Variants in IMMP2L observed in about 807,000 individuals in gnomAD.
IMMP2L encodes the protein inner mitochondrial membrane peptidase subunit 2, also known as mitochondrial inner membrane protease subunit 2.
IMMP2L carries 18 observed loss-of-function variants against 19.3 expected under a neutral mutation model. The ratio of observed to expected loss-of-function variants is 0.93; its 90% CI spans 0.64 to 1.38. The LOEUF (loss-of-function observed/expected upper bound fraction) is 1.38, where lower values mean the gene tolerates loss of function less well. IMMP2L is among the 40% of genes most tolerant of loss of function. IMMP2L has a pLI of 0.00. For missense variants in IMMP2L, 233 were observed against 218.2 expected (o/e 1.07, Z -0.43); for synonymous variants, 76 against 73.0 (o/e 1.04, Z -0.21).
chr7:111,033,291 C>T (rs1003550288), intron 3 of IMMP2L, among the ~76,000 whole-genome samples: 4 of 152,028 alleles, frequency 2.6e-5, no homozygotes, highest in East Asian at 1.9e-4. Context: ...CACATTCAAC[C>T]GTGACTAAAA....
At chr7:111,242,770 G>T (rs894474560) in intron 3 of IMMP2L, among the ~76,000 whole-genome samples, 1 of 151,812 alleles carries the variant, frequency 6.6e-6, no homozygotes, top group Non-Finnish European at 1.5e-5. Flanking sequence ...GATTAAAAAA[G>T]AGAAATTCTG....
intron 1 of IMMP2L, among the ~76,000 whole-genome samples, chr7:111,561,260 T>C (rs762290576): frequency 1.3e-5 from 2 of 152,156 alleles, no homozygotes; most frequent in Admixed American, 6.5e-5. Flanking sequence ...TGCCAGGAGG[T>C]ACCAAGAGTG....
intron 5 of IMMP2L, among the ~76,000 whole-genome samples, chr7:110,763,896 C>T (rs7803159): frequency 0.95 from 144,734 of 152,212 alleles, 68,824 homozygotes; most frequent in East Asian, 0.98. Flanking sequence ...TCCAATCTTG[C>T]TTGCACTATT....
At chr7:111,058,767 C>T (rs1195356380) in intron 3 of IMMP2L, among the ~76,000 whole-genome samples, 1 of 152,130 alleles carries the variant, frequency 6.6e-6, no homozygotes, top group African/African-American at 2.4e-5. Flanking sequence ...GGAAAACACC[C>T]ACCCCCAACA....
At chr7:110,718,939 A>G (rs1795398561) in intron 5 of IMMP2L, among the ~76,000 whole-genome samples, 1 of 152,180 alleles carries the variant, frequency 6.6e-6, no homozygotes, top group Non-Finnish European at 1.5e-5. Flanking sequence ...TGAAGCTGCA[A>G]ATGACTAGAT....
At chr7:110,868,237 G>T (rs1456772752) in intron 5 of IMMP2L, among the ~76,000 whole-genome samples, 1 of 151,140 alleles carries the variant, frequency 6.6e-6, no homozygotes, top group African/African-American at 2.4e-5. Context: ...AGAACACCTG[G>T]TGTATATTAT....
chr7:111,074,251 C>G (rs1347256107), intron 3 of IMMP2L, among the ~76,000 whole-genome samples: 2 of 152,222 alleles, frequency 1.3e-5, no homozygotes, highest in African/African-American at 4.8e-5. Context: ...TATTCACTTC[C>G]TGACCTGACT....
intron 5 of IMMP2L, among the ~76,000 whole-genome samples, chr7:110,793,418 T>TC (rs1800614024): frequency 8.6e-6 from 1 of 116,652 alleles, no homozygotes; most frequent in South Asian, 2.9e-4. Flanking sequence ...AGACTCTGTC[T>TC]CAAAACAAAC....
chr7:110,918,444 C>CTT (rs1214723900), intron 4 of IMMP2L, among the ~76,000 whole-genome samples: 2 of 139,600 alleles, frequency 1.4e-5, no homozygotes, highest in African/African-American at 5.7e-5. Flanking sequence ...AATTTCTTTT[C>CTT]TTTTTTTCTT....
intron 5 of IMMP2L, among the ~76,000 whole-genome samples, chr7:110,869,118 T>C (rs971929188): frequency 2.0e-5 from 3 of 152,122 alleles, no homozygotes; most frequent in African/African-American, 7.2e-5. Context: ...TGTAATTATT[T>C]GTTCCCAGAG....
At chr7:111,045,055 C>T (rs1792263222) in intron 3 of IMMP2L, among the ~76,000 whole-genome samples, 1 of 152,086 alleles carries the variant, frequency 6.6e-6, no homozygotes, top group South Asian at 2.1e-4. Context: ...AAATTCCAGT[C>T]AATATAGCCC....
Position 110,865,177 on chromosome 7 carries a change from G to GCA in IMMP2L, c.408+21414_408+21415dup, listed in dbSNP as rs145596168. The stretch of plus-strand genomic sequence containing the variant: ...TACGTGTCAGGAAGCGCATACATTT[G>GCA]CACACACACACACACTGTAACTATG... On this transcript the variant is annotated intron_variant, in intron 5 of 5. Coordinates refer to ENST00000405709, the MANE Select transcript of IMMP2L (RefSeq NM_032549.4). Among the ~76,000 whole-genome samples the GCA allele has an allele frequency of 8.5e-3, 1,281 of 151,070 alleles. 6 individuals are homozygous for GCA. Among genetic ancestry groups the GCA allele is most frequent in the African/African-American group, 0.014 (561 of 41,256 alleles).
At chr7:111,446,716 C>T (rs1412637000) in intron 3 of IMMP2L, among the ~76,000 whole-genome samples, 16 of 152,162 alleles carry the variant, frequency 1.1e-4, no homozygotes, top group Non-Finnish European at 1.6e-4. Flanking sequence ...AGAATGATTT[C>T]GATGAGCTAA....
intron 3 of IMMP2L, among the ~76,000 whole-genome samples, chr7:111,147,197 C>T (rs1803568634): frequency 6.6e-6 from 1 of 152,026 alleles, no homozygotes; most frequent in South Asian, 2.1e-4. Flanking sequence ...CCTCTCAGGT[C>T]AGGGGGCTGT....
At chr7:111,235,109 TCTTTA>T (rs897555231) in intron 3 of IMMP2L, among the ~76,000 whole-genome samples, 27 of 152,156 alleles carry the variant, frequency 1.8e-4, no homozygotes, top group Admixed American at 5.2e-4. Context: ...AATTTTTTCA[TCTTTA>T]CTTCATCTAA....
At chr7:111,449,054 G>A (rs1320310598) in intron 3 of IMMP2L, among the ~76,000 whole-genome samples, 2 of 151,518 alleles carry the variant, frequency 1.3e-5, no homozygotes, top group Non-Finnish European at 2.9e-5. Context: ...AGCTAAAATT[G>A]TGGCAATAAT....
chr7:111,224,726 CT>C (rs565574868), intron 3 of IMMP2L, among the ~76,000 whole-genome samples: 28 of 152,128 alleles, frequency 1.8e-4, no homozygotes, highest in Admixed American at 1.1e-3. Context: ...GTTATTTACC[CT>C]TTTTGATATG....
intron 3 of IMMP2L, chr7:111,122,651 C>T: frequency 1.3e-6 from 1 of 764,676 alleles, no homozygotes; most frequent in South Asian, 1.9e-5. Context: ...CTTTGTGGTT[C>T]TATGGCATTC....
chr7:110,818,976 G>A (rs2131320813), intron 5 of IMMP2L, among the ~76,000 whole-genome samples: 1 of 101,826 alleles, frequency 9.8e-6, no homozygotes. Flanking sequence ...GGGGGGCGGG[G>A]GGAGGGATAG....
Sources: gnomAD v4.1 joint callset for allele counts (sites outside exome capture counted in the v4.1 genomes callset) on GRCh38, gnomAD v4.1.1 for gene constraint, MANE v1.5 for transcripts, NCBI Gene and HGNC (gene_info 2026-07-23, HGNC 2026-07-21) for gene names.